The following FAM135B variants were observed in gnomAD, a reference collection of about 807,000 sequenced individuals.
The protein encoded by FAM135B is protein FAM135B.
FAM135B carries 43 observed loss-of-function variants against 127.7 expected under a neutral mutation model. The observed-to-expected ratio is 0.34, with a 90% CI of 0.26 to 0.43. FAM135B has a LOEUF of 0.43. FAM135B is among the 20% of genes least tolerant of loss of function. The pLI, the probability that FAM135B is intolerant of heterozygous loss-of-function variation, is 1.00. For missense variants in FAM135B, 1,558 were observed against 1,725.6 expected (o/e 0.90, Z 1.72); for synonymous variants, 670 against 665.1 (o/e 1.01, Z -0.11).
At chr8:138,285,604 TATTAGTGCC>T (rs1337436234) in intron 3 of FAM135B, among the ~76,000 whole-genome samples, 1 of 152,210 alleles carries the variant, frequency 6.6e-6, no homozygotes, top group Non-Finnish European at 1.5e-5. Flanking sequence ...AAGAGAAATT[TATTAGTGCC>T]ATTACTACCA....
chr8:138,185,229 C>T (rs903615337), intron 9 of FAM135B, among the ~76,000 whole-genome samples: 1 of 152,188 alleles, frequency 6.6e-6, no homozygotes, highest in South Asian at 2.1e-4. Context: ...ATGGAGCACA[C>T]ATGTAACATA....
At chr8:138,206,279 A>C (rs1353072658) in intron 7 of FAM135B, among the ~76,000 whole-genome samples, 7 of 150,026 alleles carry the variant, frequency 4.7e-5, no homozygotes, top group Admixed American at 1.3e-4. Context: ...CATCCCCTCC[A>C]CCTACGCACA....
chr8:138,138,363 G>C (rs953018569), intron 18 of FAM135B, among the ~76,000 whole-genome samples: 2 of 152,246 alleles, frequency 1.3e-5, no homozygotes, highest in South Asian at 4.1e-4. Flanking sequence ...TTGTGACCAA[G>C]AACAGACCCT....
At chr8:138,268,641 A>G (rs898007128) in intron 3 of FAM135B, among the ~76,000 whole-genome samples, 4 of 152,102 alleles carry the variant, frequency 2.6e-5, no homozygotes, top group Non-Finnish European at 5.9e-5. Flanking sequence ...CCACATCTGG[A>G]TACCCGACCC....
intron 12 of FAM135B, 29 bp downstream of exon 12, chr8:138,167,866 T>C (rs764754891): frequency 4.4e-6 from 7 of 1,588,538 alleles, no homozygotes; most frequent in Non-Finnish European, 6.0e-6. Flanking sequence ...GCCTTATTCC[T>C]GAGTCTTTCC....
At chr8:138,313,793 C>A (rs1035963303) in intron 2 of FAM135B, among the ~76,000 whole-genome samples, 2 of 147,700 alleles carry the variant, frequency 1.4e-5, no homozygotes, top group African/African-American at 5.0e-5. Flanking sequence ...TCTGTGTATT[C>A]TGTATTTGGG....
At chr8:138,263,697 T>C (rs1196429947) in intron 4 of FAM135B, among the ~76,000 whole-genome samples, 1 of 151,894 alleles carries the variant, frequency 6.6e-6, no homozygotes, top group African/African-American at 2.4e-5. Flanking sequence ...ATATAGAGAG[T>C]CAAGGGCCAT....
intron 3 of FAM135B, among the ~76,000 whole-genome samples, chr8:138,301,613 C>A (rs1825894238): frequency 6.6e-6 from 1 of 152,170 alleles, no homozygotes; most frequent in Non-Finnish European, 1.5e-5. Context: ...GCCTACTCTG[C>A]CCCAGGCCCT....
intron 3 of FAM135B, among the ~76,000 whole-genome samples, chr8:138,299,969 T>G (rs1825762504): frequency 6.6e-6 from 1 of 152,072 alleles, no homozygotes; most frequent in Non-Finnish European, 1.5e-5. Flanking sequence ...GGTATTTATT[T>G]ATTTATTTAT....
chr8:138,440,530 T>C (rs1169783444), intron 1 of FAM135B: 5 of 151,710 alleles, frequency 3.3e-5, no homozygotes, highest in Non-Finnish European at 5.9e-5. Flanking sequence ...ATTGTCTAAA[T>C]CATATCTAAT....
chr8:138,429,514 C>T (rs750302891), intron 1 of FAM135B, among the ~76,000 whole-genome samples: 34 of 152,116 alleles, frequency 2.2e-4, no homozygotes, highest in Non-Finnish European at 3.8e-4. Context: ...AATTTGTTGA[C>T]GACAAAAGAA....
At chr8:138,285,824 G>C (rs918650268) in intron 3 of FAM135B, among the ~76,000 whole-genome samples, 2 of 152,152 alleles carry the variant, frequency 1.3e-5, no homozygotes, top group Non-Finnish European at 2.9e-5. Flanking sequence ...TGAAGCTTTC[G>C]AACAGGATTT....
chr8:138,189,464 A>G (rs549015128), intron 9 of FAM135B, among the ~76,000 whole-genome samples: 1 of 152,376 alleles, frequency 6.6e-6, no homozygotes, highest in African/African-American at 2.4e-5. Context: ...ATTGGCGGAA[A>G]GCAACCACCT....
chr8:138,311,284 G>A (rs996121801), intron 2 of FAM135B, among the ~76,000 whole-genome samples: 4 of 152,178 alleles, frequency 2.6e-5, no homozygotes, highest in Non-Finnish European at 4.4e-5. Flanking sequence ...TACGCACAGT[G>A]GAGAATCCAT....
chr8:138,384,549 G>A (rs558967184), intron 1 of FAM135B, among the ~76,000 whole-genome samples: 10 of 152,102 alleles, frequency 6.6e-5, no homozygotes, highest in African/African-American at 2.4e-5. Context: ...GGCTGTGATG[G>A]GGCAAGACTA....
At position 138,491,599 on chromosome 8, in the gene FAM135B, G is replaced by A. The variant is rs781066019; in HGVS notation, c.-20+5072C>T. On this transcript the variant is annotated intron_variant, in intron 1 of 19. Transcript: ENST00000395297. ...TACTCTGGCACGGAGGCAATCCTAC[G>A]TTCACTCATTCATTCATTCATTCAT... is the stretch of plus-strand genomic sequence containing the variant. Among the ~76,000 whole-genome samples, 21 of 151,654 alleles carry A rather than the reference G, an allele frequency of 1.4e-4. No homozygotes were observed. The South Asian group carries it at 1.5e-3, about 10-fold the overall frequency.
chr8:138,322,857 G>A lies in FAM135B; in HGVS notation c.78-11937C>T, dbSNP rs565346046. On this transcript the variant is annotated intron_variant, in intron 2 of 19. Transcript: ENST00000395297. ...CTGACAAGGGAAGACACTGTGATGC[G>A]GAGGTGAAACTCCGCCCTAGCAGGA... Among the ~76,000 whole-genome samples, 86 of 152,264 alleles carry A rather than the reference G, an allele frequency of 5.6e-4. 1 individual carries two copies. In the South Asian group the frequency reaches 1.0e-2, roughly 18 times the overall value.
At chr8:138,208,452 T>C (rs1280638449) in intron 7 of FAM135B, among the ~76,000 whole-genome samples, 1 of 152,248 alleles carries the variant, frequency 6.6e-6, no homozygotes, top group African/African-American at 2.4e-5. Context: ...TATTGTTTTC[T>C]TTCCTCTCTG....
intron 3 of FAM135B, among the ~76,000 whole-genome samples, chr8:138,300,940 C>T (rs1037587367): frequency 1.3e-5 from 2 of 151,836 alleles, no homozygotes; most frequent in South Asian, 2.1e-4. Context: ...TTAGTAAGGG[C>T]GGGGTTTCAC....
Sources: gnomAD v4.1 joint callset for allele counts (sites outside exome capture counted in the v4.1 genomes callset) on GRCh38, gnomAD v4.1.1 for gene constraint, MANE v1.5 for transcripts, NCBI Gene and HGNC (gene_info 2026-07-23, HGNC 2026-07-21) for gene names.